Variants in DACH1 observed in about 807,000 individuals in gnomAD.
DACH1 encodes dachshund homolog 1.
A neutral mutation model predicts 54.2 loss-of-function variants in DACH1; 12 were observed. The observed-to-expected ratio is 0.22, with a 90% CI of 0.14 to 0.36. DACH1 has a LOEUF of 0.36. Among genes scored for constraint, DACH1 ranks in the 10% least tolerant of loss-of-function variants. DACH1 has a pLI of 1.00. For synonymous variants in DACH1, 386 were observed against 366.2 expected (o/e 1.05, Z -0.62); for missense variants, 805 against 929.8 (o/e 0.87, Z 1.75).
intron 6 of DACH1, among the ~76,000 whole-genome samples, chr13:71,501,345 C>T (rs951376779): frequency 1.3e-5 from 2 of 151,838 alleles, no homozygotes; most frequent in African/African-American, 4.8e-5. Flanking sequence ...AATGTGAAGC[C>T]TAATGGGATA....
At chr13:71,794,005 G>A (rs1351785605) in intron 1 of DACH1, among the ~76,000 whole-genome samples, 1 of 151,914 alleles carries the variant, frequency 6.6e-6, no homozygotes, top group African/African-American at 2.4e-5. Context: ...ACTTTATAAG[G>A]GGCAGGCATT....
At chr13:71,722,812 G>A (rs937437149) in intron 1 of DACH1, among the ~76,000 whole-genome samples, 3 of 152,108 alleles carry the variant, frequency 2.0e-5, no homozygotes, top group Non-Finnish European at 4.4e-5. Flanking sequence ...CATCATTGCT[G>A]TGGGGCTTCA....
intron 3 of DACH1, among the ~76,000 whole-genome samples, chr13:71,583,042 A>C (rs1321361748): frequency 6.6e-6 from 1 of 152,216 alleles, no homozygotes; most frequent in Non-Finnish European, 1.5e-5. Context: ...CTATGTTTCT[A>C]AATAAGGATT....
chr13:71,507,998 G>T (rs964599294), intron 6 of DACH1, among the ~76,000 whole-genome samples: 3 of 152,040 alleles, frequency 2.0e-5, no homozygotes, highest in Non-Finnish European at 2.9e-5. Flanking sequence ...AATGAGCCTA[G>T]ATTAAAAGAA....
At chr13:71,795,970 C>T (rs1288315200) in intron 1 of DACH1, among the ~76,000 whole-genome samples, 1 of 152,036 alleles carries the variant, frequency 6.6e-6, no homozygotes, top group East Asian at 1.9e-4. Context: ...TCTAAGAGAG[C>T]GTTATGAGAC....
At chr13:71,541,670 AGAG>A (rs1883134974) in intron 6 of DACH1, among the ~76,000 whole-genome samples, 1 of 152,054 alleles carries the variant, frequency 6.6e-6, no homozygotes, top group Non-Finnish European at 1.5e-5. Flanking sequence ...TTGTCAGAAA[AGAG>A]AAGTCTGCCA....
chr13:71,495,206 C>T (rs1410021003), intron 6 of DACH1, among the ~76,000 whole-genome samples: 1 of 151,938 alleles, frequency 6.6e-6, no homozygotes, highest in East Asian at 1.9e-4. Flanking sequence ...TTGAAGTATA[C>T]AGTATTATTA....
chr13:71,546,124 G>T (rs1883449101), intron 6 of DACH1, among the ~76,000 whole-genome samples: 1 of 152,078 alleles, frequency 6.6e-6, no homozygotes, highest in Non-Finnish European at 1.5e-5. Flanking sequence ...ATGTCAAACA[G>T]ATCAGCTTTC....
At chr13:71,512,367 T>C (rs998690503) in intron 6 of DACH1, among the ~76,000 whole-genome samples, 2 of 151,872 alleles carry the variant, frequency 1.3e-5, no homozygotes, top group African/African-American at 4.8e-5. Flanking sequence ...GATTAACAAG[T>C]ACCATTATAT....
intron 6 of DACH1, among the ~76,000 whole-genome samples, chr13:71,528,040 A>G (rs1404364357): frequency 6.6e-6 from 1 of 152,210 alleles, no homozygotes; most frequent in Non-Finnish European, 1.5e-5. Flanking sequence ...ATGTTTGTCC[A>G]TGAGATTTTT....
rs147525758 is a variant in DACH1, at chr13:71,478,463, A to G, written c.1870+706T>C. Among the ~76,000 whole-genome samples, 499 of 152,346 alleles carry G rather than the reference A, an allele frequency of 3.3e-3. 2 individuals carry two copies. Among genetic ancestry groups the G allele is most frequent in the Middle Eastern group, 0.014 (4 of 294 alleles). ...GGATATATATTAAATGCATAGTTGA[A>G]GCAAAGAGGCAGTTGATTGTAGACA... is the stretch of plus-strand genomic sequence containing the variant. On this transcript the variant is annotated intron_variant, in intron 8 of 10. Transcript: ENST00000613252.
intron 1 of DACH1, among the ~76,000 whole-genome samples, chr13:71,741,010 C>T (rs953471694): frequency 2.0e-5 from 3 of 152,020 alleles, no homozygotes; most frequent in Non-Finnish European, 4.4e-5. Context: ...CCCACATCAG[C>T]CCAGTAGCAA....
chr13:71,585,637 A>C (rs1358739822), intron 3 of DACH1, among the ~76,000 whole-genome samples: 1 of 152,168 alleles, frequency 6.6e-6, no homozygotes, highest in Admixed American at 6.5e-5. Context: ...GAGAACACAT[A>C]TTAGGAAAGT....
chr13:71,855,999 T>C, intron 1 of DACH1, among the ~76,000 whole-genome samples: 1 of 151,948 alleles, frequency 6.6e-6, no homozygotes, highest in East Asian at 1.9e-4. Flanking sequence ...AAAAGTAACA[T>C]TTTAATAGCA....
intron 6 of DACH1, among the ~76,000 whole-genome samples, chr13:71,497,473 A>G (rs1879531640): frequency 6.6e-6 from 1 of 151,944 alleles, no homozygotes; most frequent in Admixed American, 6.6e-5. Context: ...CTGGGGTTAC[A>G]GATATGGGCC....
At chr13:71,488,342 T>A (rs1878708973) in intron 7 of DACH1, among the ~76,000 whole-genome samples, 1 of 152,142 alleles carries the variant, frequency 6.6e-6, no homozygotes, top group Non-Finnish European at 1.5e-5. Context: ...CTTTCTTCTA[T>A]CCCAAACACT....
intron 1 of DACH1, among the ~76,000 whole-genome samples, chr13:71,716,801 G>T (rs1187878384): frequency 1.3e-5 from 2 of 152,080 alleles, no homozygotes; most frequent in Non-Finnish European, 2.9e-5. Flanking sequence ...AGCTGAAGAA[G>T]AAACAAATGA....
intron 1 of DACH1, among the ~76,000 whole-genome samples, chr13:71,837,175 T>C (rs1888823662): frequency 6.6e-6 from 1 of 152,114 alleles, no homozygotes; most frequent in South Asian, 2.1e-4. Flanking sequence ...TAATATTAAG[T>C]AAATATACTT....
At chr13:71,441,694 AAGAT>A (rs1248127279) in intron 10 of DACH1, among the ~76,000 whole-genome samples, 10 of 152,068 alleles carry the variant, frequency 6.6e-5, no homozygotes, top group Non-Finnish European at 1.0e-4. Context: ...GGAAATAAAA[AAGAT>A]AGTCTAAATA....
Sources: allele counts gnomAD v4.1 joint callset (sites outside exome capture counted in the v4.1 genomes callset), GRCh38; gene constraint gnomAD v4.1.1; transcripts MANE v1.5; gene names NCBI Gene and HGNC (gene_info 2026-07-23, HGNC 2026-07-21).